The following ALK variants were observed in gnomAD, a reference collection of about 807,000 sequenced individuals.
The protein encoded by ALK is ALK tyrosine kinase receptor.
In ALK, 74 loss-of-function variants were observed where a neutral mutation model predicts 163.1. That is an observed-to-expected ratio of 0.45 (90% CI 0.38 to 0.55). The LOEUF (loss-of-function observed/expected upper bound fraction) is 0.55, where lower values mean the gene tolerates loss of function less well. ALK is among the 20% of genes least tolerant of loss of function. The pLI is 0.00. For missense variants in ALK, 2,063 were observed against 2,105.3 expected (o/e 0.98, Z 0.39); for synonymous variants, 960 against 843.2 (o/e 1.14, Z -2.40).
intron 3 of ALK, among the ~76,000 whole-genome samples, chr2:29,535,437 G>A (rs58246143): frequency 0.12 from 17,972 of 152,236 alleles, 1,403 homozygotes; most frequent in Non-Finnish European, 0.18. Context: ...AAACTCTTTT[G>A]TATCTGTTCA....
intron 3 of ALK, among the ~76,000 whole-genome samples, chr2:29,671,018 G>C (rs772564424): frequency 5.3e-5 from 8 of 151,914 alleles, no homozygotes; most frequent in Non-Finnish European, 1.0e-4. Context: ...TTGTTGCTTT[G>C]TCCTTTTGGT....
intron 3 of ALK, among the ~76,000 whole-genome samples, chr2:29,625,076 G>A (rs1360264509): frequency 3.3e-5 from 5 of 152,174 alleles, no homozygotes. Flanking sequence ...CAGTCAGAGG[G>A]GCACTGTGTC....
intron 3 of ALK, among the ~76,000 whole-genome samples, chr2:29,533,977 G>A (rs1484433307): frequency 6.6e-6 from 1 of 152,182 alleles, no homozygotes; most frequent in Non-Finnish European, 1.5e-5. Flanking sequence ...AATGGACTGT[G>A]CAAAAGTTGA....
intron 2 of ALK, among the ~76,000 whole-genome samples, chr2:29,710,940 C>G (rs141770700): frequency 4.9e-4 from 75 of 152,288 alleles, no homozygotes; most frequent in African/African-American, 1.8e-3. Flanking sequence ...AACTTGATTA[C>G]GGTGGATCTC....
chr2:29,763,708 G>A (rs2541180), intron 1 of ALK, among the ~76,000 whole-genome samples: 105,350 of 152,002 alleles, frequency 0.69, 41,429 homozygotes, highest in Non-Finnish European at 0.88. Flanking sequence ...TTTCCTATCA[G>A]CTTTGAGGGT....
chr2:29,678,280 G>C (rs1319081276), intron 3 of ALK, among the ~76,000 whole-genome samples: 2 of 151,412 alleles, frequency 1.3e-5, no homozygotes, highest in Non-Finnish European at 3.0e-5. Context: ...TCTTACTACT[G>C]CTTTTTTATT....
chr2:29,654,558 C>T (rs1055710269), intron 3 of ALK, among the ~76,000 whole-genome samples: 1 of 152,078 alleles, frequency 6.6e-6, no homozygotes, highest in Non-Finnish European at 1.5e-5. Flanking sequence ...AACTGGAGAT[C>T]ACCCTTTGAG....
intron 8 of ALK, among the ~76,000 whole-genome samples, chr2:29,311,407 G>C (rs984467001): frequency 6.6e-6 from 1 of 152,194 alleles, no homozygotes; most frequent in Admixed American, 6.5e-5. Context: ...CTTCCTAGGG[G>C]TACCCAAAGC....
intron 4 of ALK, among the ~76,000 whole-genome samples, chr2:29,470,363 A>T (rs1485308638): frequency 6.6e-6 from 1 of 152,242 alleles, no homozygotes; most frequent in Admixed American, 6.5e-5. Flanking sequence ...CAAAATTAAC[A>T]AAAACTTCAA....
rs1379843994 is a variant in ALK, at chr2:29,227,667, T to G, written c.2821A>C (p.Asn941His). 1 of 1,613,756 alleles carries G rather than the reference T, an allele frequency of 6.2e-7. No homozygotes were observed. Among genetic ancestry groups the G allele is most frequent in the African/African-American group, 1.3e-5 (1 of 74,998 alleles). The change falls in exon 17 of 29, where the codon AAT becomes CAT. Residue 941 changes from asparagine (N) to histidine (H), a missense_variant. By Grantham distance (68) the Asn-to-His change is moderately conservative. Around this residue, in one of 5 missense-constraint regions of ALK, gnomAD observed 575 missense variants for 626.6 expected, o/e 0.92. Transcript: ENST00000389048. The surrounding 1 kb of genome is among the most constrained non-coding windows in gnomAD (Gnocchi z 4.4). ...TCGGGGTCATTGTTTGAGGCTGCAT[T>G]GCCGCCTGAGTAGCAAACCAGAGCA... ...GGGGGGYIGG[N>H]AASNNDPEMD...
intron 5 of ALK, among the ~76,000 whole-genome samples, chr2:29,335,000 T>G (rs1033821450): frequency 1.3e-5 from 2 of 152,186 alleles, no homozygotes; most frequent in East Asian, 3.8e-4. Context: ...GGTTATAAAA[T>G]GATTGTTCTG....
intron 3 of ALK, among the ~76,000 whole-genome samples, chr2:29,583,059 A>G (rs1025833120): frequency 8.1e-5 from 6 of 73,940 alleles, no homozygotes; most frequent in Admixed American, 2.6e-4. Context: ...TGTTTTTTTT[A>G]GTAAAGATGG....
At chr2:29,579,740 A>G (rs1337111022) in intron 3 of ALK, among the ~76,000 whole-genome samples, 1 of 152,192 alleles carries the variant, frequency 6.6e-6, no homozygotes, top group East Asian at 1.9e-4. Context: ...CCGGATATGT[A>G]GAGGGAAGGT....
intron 1 of ALK, among the ~76,000 whole-genome samples, chr2:29,854,065 G>A (rs1464647555): frequency 6.6e-6 from 1 of 151,690 alleles, no homozygotes; most frequent in African/African-American, 2.4e-5. Flanking sequence ...TTGAGCCACC[G>A]CACCCGGCCG....
At chr2:29,196,920 T>C (rs1669037448) in intron 27 of ALK, 60 bp from the exon 28 acceptor site, 2 of 1,440,656 alleles carry the variant, frequency 1.4e-6, no homozygotes, top group African/African-American at 2.8e-5. Flanking sequence ...AAATATATTT[T>C]CTTCCAGCCC....
chr2:29,581,614 G>A (rs116766303), intron 3 of ALK, among the ~76,000 whole-genome samples: 2,933 of 152,194 alleles, frequency 0.019, 88 homozygotes, highest in African/African-American at 0.061. Flanking sequence ...TGGCCTGGGC[G>A]CCTTGAGGCC....
intron 1 of ALK, among the ~76,000 whole-genome samples, chr2:29,864,524 A>G (rs1202911075): frequency 1.3e-5 from 2 of 152,242 alleles, no homozygotes; most frequent in African/African-American, 2.4e-5. Flanking sequence ...GTTCCATGAT[A>G]CCAAGAATCA....
At position 29,903,679 on chromosome 2, in the gene ALK, A is replaced by G. The variant is rs569821030; in HGVS notation, c.667+16314T>C. Among the ~76,000 whole-genome samples, 7 of 152,308 alleles carry G rather than the reference A, an allele frequency of 4.6e-5. No individual in the cohort carries two copies. In the South Asian group the frequency reaches 1.2e-3, roughly 27 times the overall value. Reference sequence around the variant, plus strand: ...TTACTATATATCCAGAAAAGCATCAAAATAATTTGGGTTTTCCTTTGGGGT... The same window carrying G: ...TTACTATATATCCAGAAAAGCATCAGAATAATTTGGGTTTTCCTTTGGGGT... On this transcript the variant is annotated intron_variant, in intron 1 of 28. Coordinates refer to ENST00000389048, the MANE Select transcript of ALK (RefSeq NM_004304.5).
intron 3 of ALK, among the ~76,000 whole-genome samples, chr2:29,577,963 CT>C (rs1358913804): frequency 1.3e-5 from 2 of 152,122 alleles, no homozygotes; most frequent in Non-Finnish European, 2.9e-5. Flanking sequence ...GTGGCACCCC[CT>C]AGTTGCATTG....
Sources: allele counts gnomAD v4.1 joint callset (sites outside exome capture counted in the v4.1 genomes callset), GRCh38; gene constraint gnomAD v4.1.1; regional missense constraint gnomAD v4.1.1; non-coding constraint Gnocchi (gnomAD v3.1); transcripts MANE v1.5; gene names NCBI Gene and HGNC (gene_info 2026-07-23, HGNC 2026-07-21).